Variants in MAP3K15 observed in about 807,000 individuals in gnomAD.
The protein encoded by MAP3K15 is mitogen-activated protein kinase kinase kinase 15, also known as MAPK/ERK kinase kinase 15.
A neutral mutation model predicts 99.5 loss-of-function variants in MAP3K15; 124 were observed. The observed-to-expected ratio is 1.25, with a 90% confidence interval of 1.08 to 1.45. MAP3K15 has a LOEUF of 1.45. Among genes scored for constraint, MAP3K15 ranks in the 40% most tolerant of loss-of-function variants. MAP3K15 has a pLI of 0.00. For missense variants in MAP3K15, 1,242 were observed against 1,079.7 expected (o/e 1.15, Z -2.11); for synonymous variants, 494 against 439.6 (o/e 1.12, Z -1.55).
intron 9 of MAP3K15, among the ~76,000 whole-genome samples, chrX:19,416,224 G>T (rs760823198): frequency 9.0e-6 from 1 of 111,159 alleles, no homozygotes; most frequent in African/African-American, 3.3e-5. Flanking sequence ...CCAACTACTT[G>T]GGAGGCTGAG....
intron 18 of MAP3K15, among the ~76,000 whole-genome samples, chrX:19,382,340 CTA>C (rs1449667692): frequency 9.1e-6 from 1 of 109,524 alleles, no homozygotes; most frequent in Non-Finnish European, 1.9e-5. Flanking sequence ...CTGGAAGATC[CTA>C]TGTCTTATTA....
chrX:19,504,992 G>T (rs1323015886), intron 1 of MAP3K15, among the ~76,000 whole-genome samples: 4 of 106,160 alleles, frequency 3.8e-5, no homozygotes, highest in Admixed American at 1.0e-4. Context: ...ACAAAAGCTT[G>T]CCAAACAGGT....
At chrX:19,419,454 A>G (rs1485002886) in intron 9 of MAP3K15, among the ~76,000 whole-genome samples, 4 of 110,146 alleles carry the variant, frequency 3.6e-5, no homozygotes, top group Non-Finnish European at 5.7e-5. Context: ...GCCATTACAT[A>G]ATGGTAAAGG....
chrX:19,426,467 C>T, intron 7 of MAP3K15, 124 bp from the exon 8 acceptor site: 1 of 364,540 alleles, frequency 2.7e-6, no homozygotes, highest in Admixed American at 5.3e-5. Flanking sequence ...ATTCCCCTCG[C>T]CTCCCACCAC....
At chrX:19,423,284 C>A (rs963583869) in intron 9 of MAP3K15, among the ~76,000 whole-genome samples, 1 of 111,331 alleles carries the variant, frequency 9.0e-6, no homozygotes, top group Admixed American at 9.6e-5. Flanking sequence ...CCCACAGGGA[C>A]CCCTTGTGTT....
rs182362392 is a variant in MAP3K15, at chrX:19,486,231, A to C, written c.525+251T>G. Among the ~76,000 whole-genome samples, 3 of 111,956 alleles carry C rather than the reference A, an allele frequency of 2.7e-5. No homozygotes were observed. The East Asian group carries it at 8.5e-4, about 32-fold the overall frequency. ...GAAGGTTACAGCTCAAAGTCCCAGC[A>C]GGTAATGAAGAACATACACTTTCTT... On this transcript the variant is annotated intron_variant, in intron 3 of 28. Transcript: ENST00000338883.
At chrX:19,425,088 T>C (rs1359937646) in intron 9 of MAP3K15, among the ~76,000 whole-genome samples, 1 of 111,835 alleles carries the variant, frequency 8.9e-6, no homozygotes, top group Non-Finnish European at 1.9e-5. Flanking sequence ...CATTCTTTCC[T>C]GCACATTTAA....
intron 5 of MAP3K15, among the ~76,000 whole-genome samples, chrX:19,459,607 T>C (rs751518429): frequency 8.9e-6 from 1 of 112,406 alleles, no homozygotes; most frequent in Non-Finnish European, 1.9e-5. Flanking sequence ...CCCAGCACTT[T>C]GGGAGGCCGA....
chrX:19,477,454 G>A (rs941694774), intron 3 of MAP3K15, among the ~76,000 whole-genome samples: 54 of 110,874 alleles, frequency 4.9e-4, no homozygotes, highest in African/African-American at 8.5e-4. Flanking sequence ...CTGTAACCCC[G>A]GCACTTTGGG....
chrX:19,449,240 C>T (rs1482552946), intron 6 of MAP3K15, among the ~76,000 whole-genome samples: 1 of 110,173 alleles, frequency 9.1e-6, no homozygotes, highest in East Asian at 2.8e-4. Context: ...AGCTATCAAA[C>T]TTTTATGAAC....
Position 19,426,215 on chromosome X carries a change from T to A in MAP3K15, c.1279+16A>T. 1 of 961,235 alleles carries A rather than the reference T, an allele frequency of 1.0e-6. No homozygotes were observed. The highest frequency in any genetic ancestry group is 1.4e-6 in the Non-Finnish European group (1 of 712,547). The allele number at this position is 961,235 out of a possible 1,213,427, so 79.2% of individuals were successfully genotyped here. On this transcript the variant is annotated intron_variant, in intron 8 of 28. Transcript: ENST00000338883. Reference sequence around the variant, plus strand: ...ATAATCAAAGCAACAACATCTGCAATAATAAGCAGCTTTACCTATTTTCCT... The same window carrying A: ...ATAATCAAAGCAACAACATCTGCAAAAATAAGCAGCTTTACCTATTTTCCT...
chrX:19,465,830 GGTGTGTGTGTGTGT>G (rs10589040), intron 3 of MAP3K15, among the ~76,000 whole-genome samples: 6 of 94,006 alleles, frequency 6.4e-5, no homozygotes, highest in Admixed American at 3.6e-4. Flanking sequence ...GGTGTGTAGG[GGTGTGTGTGTGTGT>G]GTGTGTGTGT....
At chrX:19,381,741 G>C (rs1210920482) in intron 18 of MAP3K15, among the ~76,000 whole-genome samples, 1 of 112,245 alleles carries the variant, frequency 8.9e-6, no homozygotes, top group African/African-American at 3.2e-5. Context: ...TCAGTCAAGG[G>C]CTCTGCGAAT....
intron 3 of MAP3K15, among the ~76,000 whole-genome samples, chrX:19,484,217 A>C (rs546342697): frequency 9.0e-6 from 1 of 111,522 alleles, no homozygotes; most frequent in South Asian, 3.8e-4. Flanking sequence ...TTATTGTCTG[A>C]ACTCCACCTC....
intron 6 of MAP3K15, among the ~76,000 whole-genome samples, chrX:19,434,399 AT>A (rs765670026): frequency 0.086 from 8,126 of 94,154 alleles, 799 homozygotes; most frequent in African/African-American, 0.27. Flanking sequence ...TAATTTTTTA[AT>A]TTTTTTTTTT....
intron 6 of MAP3K15, among the ~76,000 whole-genome samples, chrX:19,444,187 T>G (rs138750652): frequency 1.1e-3 from 122 of 112,236 alleles, no homozygotes; most frequent in African/African-American, 3.8e-3. Flanking sequence ...TAAAATAATA[T>G]TTAGTGCATG....
At chrX:19,423,714 C>T (rs757483399) in intron 9 of MAP3K15, among the ~76,000 whole-genome samples, 50 of 111,878 alleles carry the variant, frequency 4.5e-4, no homozygotes, top group Admixed American at 1.4e-3. Flanking sequence ...GAGATCACCT[C>T]TAAGCCCTTG....
chrX:19,507,467 C>T (rs1443985893), intron 1 of MAP3K15, among the ~76,000 whole-genome samples: 1 of 104,577 alleles, frequency 9.6e-6, no homozygotes, highest in Non-Finnish European at 1.9e-5. Context: ...GTCCCAGCGA[C>T]TCGGGAGGCT....
chrX:19,492,233 G>T (rs1007119222), intron 1 of MAP3K15, among the ~76,000 whole-genome samples: 1 of 110,135 alleles, frequency 9.1e-6, no homozygotes, highest in African/African-American at 3.3e-5. Flanking sequence ...ACTCAAGGCC[G>T]GCTTTGTTTC....
Sources: allele counts gnomAD v4.1 joint callset (sites outside exome capture counted in the v4.1 genomes callset), GRCh38; gene constraint gnomAD v4.1.1; transcripts MANE v1.5; gene names NCBI Gene and HGNC (gene_info 2026-07-23, HGNC 2026-07-21).